Variants in FOXP2 observed in about 807,000 individuals in gnomAD.
The protein encoded by FOXP2 is forkhead box P2, also known as forkhead box protein P2.
FOXP2 carries 12 observed loss-of-function variants against 115.8 expected under a neutral mutation model. The observed-to-expected ratio is 0.10, with a 90% CI of 0.07 to 0.17. The LOEUF is 0.17. Among genes scored for constraint, FOXP2 ranks in the 10% least tolerant of loss-of-function variants. The probability of loss-of-function intolerance (pLI) is 1.00; values close to 1 mark genes in which losing one functional copy is unlikely to be tolerated. For synonymous variants in FOXP2, 328 were observed against 297.7 expected, an observed-to-expected ratio of 1.10 and a Z score of -1.05; for missense variants, 629 against 843.5, an observed-to-expected ratio of 0.75 and a Z score of 3.15.
intron 2 of FOXP2, among the ~76,000 whole-genome samples, chr7:114,472,751 A>T (rs892183516): frequency 6.6e-6 from 1 of 152,130 alleles, no homozygotes; most frequent in Non-Finnish European, 1.5e-5. Flanking sequence ...AGTTCAGATA[A>T]GGTTTTCCTT....
chr7:114,576,578 G>T (rs907462269), intron 3 of FOXP2, among the ~76,000 whole-genome samples: 22 of 151,812 alleles, frequency 1.4e-4, no homozygotes, highest in African/African-American at 5.3e-4. Flanking sequence ...TTAGTCAGTG[G>T]TTTTGTTGTT....
chr7:114,241,348 A>C (rs1795146381), intron 1 of FOXP2, among the ~76,000 whole-genome samples: 1 of 152,104 alleles, frequency 6.6e-6, no homozygotes. Flanking sequence ...TGAGGCTATA[A>C]GTTATGAATA....
intron 2 of FOXP2, among the ~76,000 whole-genome samples, chr7:114,304,066 A>T (rs1796943863): frequency 6.6e-6 from 1 of 152,154 alleles, no homozygotes; most frequent in African/African-American, 2.4e-5. Context: ...ACAAATAGGT[A>T]CGTGGATTTA....
At chr7:114,182,016 T>C (rs1278699009) in intron 1 of FOXP2, among the ~76,000 whole-genome samples, 2 of 152,038 alleles carry the variant, frequency 1.3e-5, no homozygotes, top group Non-Finnish European at 2.9e-5. Context: ...ATATATCATA[T>C]ACATTTTTCA....
intron 1 of FOXP2, among the ~76,000 whole-genome samples, chr7:114,140,624 T>TAA (rs1240819834): frequency 6.6e-6 from 1 of 152,212 alleles, no homozygotes; most frequent in African/African-American, 2.4e-5. Flanking sequence ...CACTGGCAGG[T>TAA]AACTAGGCTG....
At chr7:114,104,030 T>A (rs1373895123) in intron 1 of FOXP2, among the ~76,000 whole-genome samples, 31 of 151,990 alleles carry the variant, frequency 2.0e-4, no homozygotes. Flanking sequence ...CAGAATTATA[T>A]GATTTCTGTA....
At chr7:114,173,967 T>C (rs1168539711) in intron 1 of FOXP2, among the ~76,000 whole-genome samples, 1 of 151,926 alleles carries the variant, frequency 6.6e-6, no homozygotes, top group Non-Finnish European at 1.5e-5. Flanking sequence ...TTTATATTGA[T>C]TTTTGGTAAG....
At chr7:114,555,625 C>T (rs770416267) in intron 3 of FOXP2, among the ~76,000 whole-genome samples, 5 of 151,882 alleles carry the variant, frequency 3.3e-5, no homozygotes, top group Non-Finnish European at 5.9e-5. Flanking sequence ...GGTGAAACCC[C>T]GTCTCTACTA....
intron 2 of FOXP2, among the ~76,000 whole-genome samples, chr7:114,390,068 T>G (rs909708535): frequency 6.8e-6 from 1 of 148,086 alleles, no homozygotes; most frequent in African/African-American, 2.5e-5. Context: ...AAAAAAAGAT[T>G]AGTGACAGTG....
intron 2 of FOXP2, among the ~76,000 whole-genome samples, chr7:114,365,804 A>G (rs1165064717): frequency 6.6e-6 from 1 of 152,150 alleles, no homozygotes; most frequent in Non-Finnish European, 1.5e-5. Flanking sequence ...AGTACTTCTC[A>G]TACTTGATTG....
rs547912850 is a variant in FOXP2 at position 114,664,431 on chromosome 7, G to C, written c.1998G>C (p.Pro666=). ...GTAGTCCGGGCTGCTCACCTCAGCC[G>C]CACATGTAAGTGTGGTTAACAGACT... ...GNSSPGCSPQ[P]HIHSIHVKEE... Residue 666 remains proline (P), a synonymous_variant, in exon 16 of 17, where the codon CCG becomes CCC. Coordinates refer to ENST00000350908, the MANE Select transcript of FOXP2 (RefSeq NM_014491.4). 9.4e-5 allele frequency: 152 copies of C among 1,613,258 alleles called. 1 individual carries two copies. In the South Asian group the frequency reaches 1.5e-3, roughly 16 times the overall value.
upstream of FOXP2, among the ~76,000 whole-genome samples, chr7:114,409,274 C>T (rs1187226627): frequency 2.0e-5 from 3 of 152,122 alleles, no homozygotes; most frequent in Admixed American, 6.6e-5. Context: ...TATGAGAAAT[C>T]GTTAGTATAA....
At chr7:114,095,829 C>T (rs1799636333) in intron 1 of FOXP2, among the ~76,000 whole-genome samples, 1 of 152,122 alleles carries the variant, frequency 6.6e-6, no homozygotes, top group Non-Finnish European at 1.5e-5. Flanking sequence ...CATGCACAGA[C>T]ATACATTATC....
chr7:114,642,810 A>ATTTTT (rs1277733394), intron 7 of FOXP2, among the ~76,000 whole-genome samples, 187 bp downstream of exon 7: 9 of 75,762 alleles, frequency 1.2e-4, no homozygotes, highest in Non-Finnish European at 1.6e-4. Flanking sequence ...ATATATATAT[A>ATTTTT]TATTTTTTTT....
rs1045160372 is a variant in FOXP2 at position 114,357,285 on chromosome 7, C to T, written c.-11+69176C>T. ...ATACTGTTAGTAAGTTAAGTAATTA[C>T]AGACTGCTGTCACCTAGGATAAACT... On this transcript the variant is annotated intron_variant, in intron 2 of 17. Transcript: ENST00000634411. 1.2e-4 allele frequency among the ~76,000 whole-genome samples: 18 copies of T among 152,138 alleles called. 1 individual carries two copies. The highest frequency in any genetic ancestry group is 2.0e-4 in the Admixed American group (3 of 15,252).
chr7:114,204,569 G>A (rs774307545), intron 1 of FOXP2, among the ~76,000 whole-genome samples: 4 of 152,018 alleles, frequency 2.6e-5, no homozygotes, highest in Admixed American at 6.6e-5. Context: ...TTTCACATGC[G>A]ATGATAATAT....
chr7:114,363,697 C>T (rs1470296802), intron 2 of FOXP2, among the ~76,000 whole-genome samples: 1 of 151,916 alleles, frequency 6.6e-6, no homozygotes, highest in Non-Finnish European at 1.5e-5. Flanking sequence ...TATTTTTAAA[C>T]TCTTACGTGA....
intron 3 of FOXP2, among the ~76,000 whole-genome samples, chr7:114,608,776 A>G (rs1803470989): frequency 6.6e-6 from 1 of 152,210 alleles, no homozygotes; most frequent in Non-Finnish European, 1.5e-5. Context: ...AAACATAAAA[A>G]CAACAACAAA....
chr7:114,309,427 C>T (rs936290093), intron 2 of FOXP2, among the ~76,000 whole-genome samples: 3 of 152,152 alleles, frequency 2.0e-5, no homozygotes, highest in African/African-American at 4.8e-5. Flanking sequence ...GCTTCTGCAT[C>T]GGAAACATAG....
Sources: gnomAD v4.1 joint callset for allele counts (sites outside exome capture counted in the v4.1 genomes callset) on GRCh38, gnomAD v4.1.1 for gene constraint, MANE v1.5 for transcripts, NCBI Gene and HGNC (gene_info 2026-07-23, HGNC 2026-07-21) for gene names.